MCTP2: variants seen among roughly 807,000 people sequenced by gnomAD.
MCTP2 encodes the protein multiple C2 and transmembrane domain-containing protein 2.
In MCTP2, 132 loss-of-function variants were observed where a neutral mutation model predicts 111.6. The ratio of observed to expected loss-of-function variants is 1.18; its 90% confidence interval spans 1.03 to 1.37. The LOEUF (loss-of-function observed/expected upper bound fraction) is 1.37. Ranked by LOEUF, MCTP2 falls within the 40% of genes most tolerant of loss-of-function variation. The pLI, the probability that MCTP2 is intolerant of heterozygous loss-of-function variation, is 0.00. For missense variants in MCTP2, 1,183 were observed against 1,067.9 expected (o/e 1.11, Z -1.50); for synonymous variants, 395 against 387.7 (o/e 1.02, Z -0.22).
chr15:94,325,804 T>A (rs2076835416), intron 4 of MCTP2, among the ~76,000 whole-genome samples: 1 of 140,038 alleles, frequency 7.1e-6, no homozygotes. Flanking sequence ...CTCTACTCCA[T>A]CGCTCCGATT....
At chr15:94,340,518 T>G (rs2077578852) in intron 6 of MCTP2, among the ~76,000 whole-genome samples, 1 of 152,226 alleles carries the variant, frequency 6.6e-6, no homozygotes, top group Admixed American at 6.5e-5. Flanking sequence ...ATTTCATACT[T>G]TGATTTGTTA....
intron 17 of MCTP2, among the ~76,000 whole-genome samples, chr15:94,437,155 CAAAA>C (rs11352999): frequency 1.4e-3 from 94 of 69,574 alleles, no homozygotes; most frequent in Middle Eastern, 0.022. Flanking sequence ...CTTACACATC[CAAAA>C]AAAAAAAAAA....
rs746383091 is a variant in MCTP2 at position 94,345,160 on chromosome 15, G to A, written c.1001G>A (p.Ser334Asn). The change falls in exon 8 of 23, where the codon AGC (serine) becomes AAC (asparagine). Residue 334 changes from serine (S) to asparagine (N), a missense_variant. Coordinates refer to ENST00000357742, the MANE Select transcript of MCTP2 (RefSeq NM_001385001.1). ...TCAAATCGGAAGCGATTAAGTGCCA[G>A]CAAGGTAAATATACTTTTTTTTCCT... The part of the protein sequence containing the change: ...RWSNRKRLSA[S>N]KSSLIRNLRL... The A allele has an allele frequency of 2.5e-6, 4 of 1,612,050 alleles. No homozygotes were observed. Among genetic ancestry groups the A allele is most frequent in the Non-Finnish European group, 2.5e-6 (3 of 1,178,698 alleles).
chr15:94,332,732 G>C (rs954548768), intron 4 of MCTP2, among the ~76,000 whole-genome samples: 8 of 152,052 alleles, frequency 5.3e-5, no homozygotes, highest in Admixed American at 3.3e-4. Context: ...AAATTGCATG[G>C]CTAAATTTTA....
intron 1 of MCTP2, among the ~76,000 whole-genome samples, chr15:94,257,569 GTTTTTTTTTTTTTTTTTTTTTTTTTTTT>G (rs760633548): frequency 3.0e-5 from 1 of 33,822 alleles, no homozygotes; most frequent in African/African-American, 1.2e-4. Context: ...TTTCTTTGTT[GTTTTTTTTTTTTTTTTTTTTTTTTTTTT>G]TTTTTTTGAG....
rs774938937 is a variant in MCTP2 at position 94,345,118 on chromosome 15, C to T, written c.970-11C>T. ...TGCCATTTTCACCATTCCGCGGACA[C>T]AAATCTTTAGCGTTGGTCAAATCGG... On this transcript the variant is annotated splice_polypyrimidine_tract_variant and intron_variant, in intron 7 of 22. Transcript: ENST00000357742. The T allele has an allele frequency of 6.2e-7, 1 of 1,612,534 alleles. No individual in the cohort carries two copies. Among genetic ancestry groups the T allele is most frequent in the Non-Finnish European group, 8.5e-7 (1 of 1,178,942 alleles).
chr15:94,315,723 C>T (rs1231182665), intron 4 of MCTP2, 86 bp downstream of exon 4: 1 of 942,100 alleles, frequency 1.1e-6, no homozygotes, highest in Non-Finnish European at 1.7e-6. Context: ...CAGGCTTTGA[C>T]ATCACAGCAT....
intron 4 of MCTP2, among the ~76,000 whole-genome samples, chr15:94,323,943 C>A (rs978308099): frequency 2.0e-5 from 3 of 152,004 alleles, no homozygotes; most frequent in African/African-American, 7.3e-5. Flanking sequence ...CATTATTTTC[C>A]GGGATGTTAT....
intron 1 of MCTP2, among the ~76,000 whole-genome samples, chr15:94,254,282 T>C (rs11853728): frequency 0.011 from 1,716 of 152,298 alleles, 37 homozygotes; most frequent in African/African-American, 0.039. Flanking sequence ...GATGACTGCT[T>C]TGCCCAGAGT....
intron 1 of MCTP2, among the ~76,000 whole-genome samples, chr15:94,247,632 A>G (rs952429264): frequency 6.6e-6 from 1 of 152,138 alleles, no homozygotes; most frequent in Admixed American, 6.5e-5. Flanking sequence ...GCGCATCCTC[A>G]CCATAGTTTA....
At chr15:94,461,555 T>G (rs2152529844) in intron 20 of MCTP2, among the ~76,000 whole-genome samples, 1 of 152,168 alleles carries the variant, frequency 6.6e-6, no homozygotes, top group South Asian at 2.1e-4. Context: ...TGTTCTATCA[T>G]TATGGAGTGA....
intron 17 of MCTP2, among the ~76,000 whole-genome samples, chr15:94,419,849 G>T (rs1163048497): frequency 2.6e-5 from 4 of 151,728 alleles, no homozygotes. Flanking sequence ...TTATCCAGAA[G>T]TTCTAGCTGA....
chr15:94,298,735 G>C lies in MCTP2; in HGVS notation c.465+5G>C. ...GATGCACCAGAAGAGCCAGAGGTGA[G>C]AATAGGGCTGGGCTCTCTTTTTTTT... On this transcript the variant is annotated splice_donor_5th_base_variant and intron_variant, in intron 2 of 22. Transcript: ENST00000357742. 1 of 1,571,354 alleles carries C rather than the reference G, an allele frequency of 6.4e-7. No individual in the cohort carries two copies. The highest frequency in any genetic ancestry group is 8.6e-7 in the Non-Finnish European group (1 of 1,161,734).
chr15:94,426,143 A>ATT (rs1166235691), intron 17 of MCTP2, among the ~76,000 whole-genome samples: 49 of 6,804 alleles, frequency 7.2e-3, no homozygotes, highest in East Asian at 0.083. Flanking sequence ...AGAGAGATTG[A>ATT]GAGAGAGAGA....
intron 10 of MCTP2, 103 bp downstream of exon 10, chr15:94,358,715 C>A: frequency 7.3e-7 from 1 of 1,379,166 alleles, no homozygotes; most frequent in African/African-American, 1.4e-5. Flanking sequence ...ACCTTGCATC[C>A]CTCACCCCAG....
rs2082400155 is a variant in MCTP2, at chr15:94,416,837, A to T, written c.2085+14818A>T. Among the ~76,000 whole-genome samples the T allele has an allele frequency of 5.3e-5, 8 of 152,302 alleles. No individual in the cohort carries two copies. The South Asian group carries it at 1.7e-3, about 32-fold the overall frequency. ...AGGTATGATTGTCAGTATGAAATAA[A>T]TGGGAAAAGGGATTTCTCCCCTTCC... On this transcript the variant is annotated intron_variant, in intron 17 of 22. Coordinates refer to ENST00000357742, the MANE Select transcript of MCTP2 (RefSeq NM_001385001.1).
At chr15:94,476,575 T>A in intron 21 of MCTP2, 121 bp from the exon 22 acceptor site, 2 of 603,400 alleles carry the variant, frequency 3.3e-6, no homozygotes, top group South Asian at 4.6e-5. Flanking sequence ...TTTTTGAAGA[T>A]AGATGCTAGA....
chr15:94,245,364 A>T (rs1285238746), intron 1 of MCTP2, among the ~76,000 whole-genome samples: 2 of 138,310 alleles, frequency 1.4e-5, no homozygotes, highest in African/African-American at 5.2e-5. Context: ...ATGTATATAT[A>T]TTTACATACA....
chr15:94,449,406 C>A (rs2084309748), intron 19 of MCTP2, among the ~76,000 whole-genome samples: 1 of 152,152 alleles, frequency 6.6e-6, no homozygotes. Context: ...AGGATAGTGG[C>A]AACACTCAAA....
Sources: allele counts gnomAD v4.1 joint callset (sites outside exome capture counted in the v4.1 genomes callset), GRCh38; gene constraint gnomAD v4.1.1; transcripts MANE v1.5; gene names NCBI Gene and HGNC (gene_info 2026-07-23, HGNC 2026-07-21).